Variants in LOC400499 observed in about 807,000 individuals in gnomAD.
At chr16:11,446,596 A>T in the LOC400499 span, 7 of 1,535,996 alleles carry the variant, frequency 4.6e-6, no homozygotes, top group Non-Finnish European at 6.1e-6. Context: ...GTTCCTGGGG[A>T]TGACTTTGCC....
At chr16:11,382,915 G>A in the LOC400499 span, among the ~76,000 whole-genome samples, 1 of 149,712 alleles carries the variant, frequency 6.7e-6, no homozygotes, top group Non-Finnish European at 1.5e-5. Flanking sequence ...ATATAAAGGA[G>A]CACCTGAGGC....
chr16:11,448,079 A>G, the LOC400499 span: 1 of 1,533,858 alleles, frequency 6.5e-7, no homozygotes, highest in Non-Finnish European at 8.7e-7. Context: ...CGGGGCTGCA[A>G]CAAGATCCAG....
chr16:11,457,591 C>CAAAAAA, the LOC400499 span, among the ~76,000 whole-genome samples: 1 of 97,088 alleles, frequency 1.0e-5, no homozygotes, highest in African/African-American at 3.8e-5. Context: ...GACTCCATCT[C>CAAAAAA]AAAAAAAAAA....
chr16:11,519,014 C>T, the LOC400499 span: 5 of 398,830 alleles, frequency 1.3e-5, no homozygotes, highest in African/African-American at 8.2e-5. Context: ...TCCTGTGATA[C>T]CCCGGGAACT....
chr16:11,455,990 C>T, the LOC400499 span, among the ~76,000 whole-genome samples: 2 of 151,364 alleles, frequency 1.3e-5, no homozygotes, highest in South Asian at 2.1e-4. Context: ...AACAAGGTAT[C>T]GCTTCGATAA....
chr16:11,456,010 C>T, the LOC400499 span, among the ~76,000 whole-genome samples: 129,882 of 150,902 alleles, frequency 0.86, 55,936 homozygotes, highest in Admixed American at 0.88. Flanking sequence ...AAAATAAAAA[C>T]TGAAAAAATG....
At chr16:11,482,162 G>A in the LOC400499 span, among the ~76,000 whole-genome samples, 4 of 152,160 alleles carry the variant, frequency 2.6e-5, no homozygotes, top group African/African-American at 9.7e-5. Context: ...ACAGACATCA[G>A]GCAATCCAAG....
chr16:11,390,873 C>A, the LOC400499 span, among the ~76,000 whole-genome samples: 74,565 of 152,018 alleles, frequency 0.49, 19,501 homozygotes, highest in Admixed American at 0.63. Flanking sequence ...GCTGAGTCTC[C>A]CAGGAGCTGC....
chr16:11,476,911 G>T, the LOC400499 span: 2 of 399,238 alleles, frequency 5.0e-6, no homozygotes, highest in Non-Finnish European at 8.8e-6. Context: ...CAGGATGCCC[G>T]CTGTGCCCAT....
At chr16:11,487,187 G>C in the LOC400499 span, 4 of 398,554 alleles carry the variant, frequency 1.0e-5, no homozygotes, top group African/African-American at 4.1e-5. Flanking sequence ...GGACAGACAG[G>C]TAAGTGACTG....
the LOC400499 span, among the ~76,000 whole-genome samples, chr16:11,426,228 G>C: frequency 6.6e-6 from 1 of 152,134 alleles, no homozygotes; most frequent in Non-Finnish European, 1.5e-5. Flanking sequence ...TTGAGGTCAG[G>C]AGTTCGAGAC....
chr16:11,477,792 A>C, the LOC400499 span: 2 of 398,518 alleles, frequency 5.0e-6, no homozygotes, highest in Non-Finnish European at 8.9e-6. Context: ...CCACCACCTA[A>C]CCTGCGCCAG....
the LOC400499 span, among the ~76,000 whole-genome samples, chr16:11,443,014 G>A: frequency 6.6e-6 from 1 of 152,098 alleles, no homozygotes; most frequent in Non-Finnish European, 1.5e-5. Flanking sequence ...CCTTCCCAGG[G>A]GCTGTTGTGT....
the LOC400499 span, among the ~76,000 whole-genome samples, chr16:11,438,032 C>T: frequency 6.6e-6 from 1 of 152,186 alleles, no homozygotes; most frequent in African/African-American, 2.4e-5. Flanking sequence ...TGGTGAGCTC[C>T]ATGATCTTGG....
chr16:11,392,722 C>T, the LOC400499 span: 4 of 962,218 alleles, frequency 4.2e-6, no homozygotes, highest in Admixed American at 2.5e-4. Context: ...TGCCATAAGG[C>T]TTCAGGGGGT....
chr16:11,396,074 T>A, the LOC400499 span, among the ~76,000 whole-genome samples: 1 of 152,348 alleles, frequency 6.6e-6, no homozygotes, highest in East Asian at 1.9e-4. Flanking sequence ...TAGTGGCTGT[T>A]TTCTCTCAGG....
the LOC400499 span, chr16:11,407,300 G>C: frequency 2.5e-6 from 1 of 398,904 alleles, no homozygotes; most frequent in Non-Finnish European, 4.4e-6. Context: ...CACGCCCAAG[G>C]CGAACATGCT....
the LOC400499 span, among the ~76,000 whole-genome samples, chr16:11,422,525 A>G: frequency 6.6e-6 from 1 of 151,440 alleles, no homozygotes; most frequent in African/African-American, 2.4e-5. Flanking sequence ...AGCTGCGATC[A>G]CTGCCTGAGC....
the LOC400499 span, chr16:11,484,858 G>A: frequency 1.0e-5 from 4 of 399,004 alleles, no homozygotes; most frequent in Non-Finnish European, 1.8e-5. Context: ...GGAGTACAGT[G>A]GGTGTGGCCA....
Sources: gnomAD v4.1 joint callset for allele counts (sites outside exome capture counted in the v4.1 genomes callset) on GRCh38, gnomAD v4.1.1 for gene constraint, MANE v1.5 for transcripts.